Variants in MDGA2 observed in about 807,000 individuals in gnomAD.
The protein encoded by MDGA2 is MAM domain containing glycosylphosphatidylinositol anchor 2, also known as MAM domain-containing glycosylphosphatidylinositol anchor protein 2.
In MDGA2, 40 loss-of-function variants were observed where a neutral mutation model predicts 117.8. The ratio of observed to expected loss-of-function variants is 0.34; its 90% CI spans 0.26 to 0.44. The LOEUF (loss-of-function observed/expected upper bound fraction) is 0.44. Ranked by LOEUF, MDGA2 falls within the 20% of genes least tolerant of loss-of-function variation. The probability of loss-of-function intolerance (pLI) is 1.00; values close to 1 mark genes in which losing one functional copy is unlikely to be tolerated. For missense variants in MDGA2, 1,123 were observed against 1,250.6 expected (o/e 0.90, Z 1.54); for synonymous variants, 452 against 439.0 (o/e 1.03, Z -0.37).
At chr14:47,223,322 G>GGAAT (rs986615823) in intron 2 of MDGA2, among the ~76,000 whole-genome samples, 20 of 152,008 alleles carry the variant, frequency 1.3e-4, no homozygotes, top group African/African-American at 4.1e-4. Context: ...TACATATTAA[G>GGAAT]GAATGAATGA....
intron 1 of MDGA2, among the ~76,000 whole-genome samples, chr14:47,468,111 A>T (rs574564896): frequency 6.6e-6 from 1 of 152,266 alleles, no homozygotes; most frequent in Non-Finnish European, 1.5e-5. Flanking sequence ...TGAGGAGTGG[A>T]AGGCAATCAG....
intron 1 of MDGA2, among the ~76,000 whole-genome samples, chr14:47,471,431 C>T (rs1228138580): frequency 2.6e-5 from 4 of 151,826 alleles, no homozygotes; most frequent in Admixed American, 6.6e-5. Flanking sequence ...TAAATCAAAA[C>T]GTGGAAGAAA....
At chr14:47,478,121 A>T (rs907312341) in intron 1 of MDGA2, among the ~76,000 whole-genome samples, 3 of 152,240 alleles carry the variant, frequency 2.0e-5, no homozygotes, top group Non-Finnish European at 2.9e-5. Context: ...ACTCAACCTT[A>T]CATACTTTTT....
At chr14:47,088,291 T>C (rs866558739) in intron 6 of MDGA2, among the ~76,000 whole-genome samples, 56 of 152,220 alleles carry the variant, frequency 3.7e-4, no homozygotes, top group African/African-American at 1.1e-3. Context: ...AGTAATATAA[T>C]AACATTCTCT....
intron 3 of MDGA2, among the ~76,000 whole-genome samples, chr14:47,177,005 A>G (rs1475084590): frequency 6.6e-6 from 1 of 152,058 alleles, no homozygotes; most frequent in Non-Finnish European, 1.5e-5. Context: ...ATGAACAGAC[A>G]CTTCTCAAAA....
intron 7 of MDGA2, among the ~76,000 whole-genome samples, chr14:47,060,398 G>A (rs952090682): frequency 1.3e-5 from 2 of 152,036 alleles, no homozygotes; most frequent in Non-Finnish European, 2.9e-5. Flanking sequence ...CTGATCATGT[G>A]TCTACTACAT....
intron 1 of MDGA2, among the ~76,000 whole-genome samples, chr14:47,642,830 C>G (rs1594958865): frequency 1.3e-5 from 2 of 152,170 alleles, no homozygotes; most frequent in South Asian, 4.1e-4. Flanking sequence ...CAAGACTACT[C>G]CCTAATAACA....
At chr14:47,165,015 G>T (rs557276919) in intron 3 of MDGA2, among the ~76,000 whole-genome samples, 2 of 151,870 alleles carry the variant, frequency 1.3e-5, no homozygotes, top group Non-Finnish European at 2.9e-5. Context: ...AAAACCAAAC[G>T]CCACATGTTC....
chr14:47,655,090 C>T (rs763123159), intron 1 of MDGA2, among the ~76,000 whole-genome samples: 2 of 152,046 alleles, frequency 1.3e-5, no homozygotes, highest in Non-Finnish European at 2.9e-5. Flanking sequence ...TTGTGCCCTC[C>T]ATTTTATTCA....
chr14:47,251,237 C>G (rs1887434023), intron 2 of MDGA2, among the ~76,000 whole-genome samples: 1 of 152,140 alleles, frequency 6.6e-6, no homozygotes. Context: ...TTCCATCTAC[C>G]TGGAAAATTT....
chr14:46,871,838 T>C lies in MDGA2; in HGVS notation c.2752+1595A>G, dbSNP rs750879797. ...CCCAGGTCTCCTGACTTCAAGTTTA[T>C]AGTAGTTTAACTTCTCAAAAGCTTT... On this transcript the variant is annotated intron_variant, in intron 14 of 16. Transcript: ENST00000399232. 5 of 343,112 alleles carry C rather than the reference T, an allele frequency of 1.5e-5. No homozygotes were observed. The East Asian group carries it at 3.3e-4, about 23-fold the overall frequency. 21.3% of individuals were successfully genotyped at this position (343,112 alleles called of 1,614,324 possible). A position where few individuals can be genotyped will look rare whatever the true frequency, so the allele number is the denominator to read the frequency against.
chr14:47,609,442 T>TACATATATATATATATATATATATATAC (rs1566539666), intron 1 of MDGA2, among the ~76,000 whole-genome samples: 2 of 89,622 alleles, frequency 2.2e-5, no homozygotes, highest in African/African-American at 4.7e-5. Context: ...TATATATATA[T>TACATATATATATATATATATATATATAC]ATATATATAT....
chr14:47,449,127 CT>C (rs1893187557), intron 1 of MDGA2, among the ~76,000 whole-genome samples: 1 of 152,138 alleles, frequency 6.6e-6, no homozygotes, highest in Non-Finnish European at 1.5e-5. Flanking sequence ...AGCATTTTGT[CT>C]TTGCCTGTCC....
At chr14:47,456,685 T>A (rs548092618) in intron 1 of MDGA2, among the ~76,000 whole-genome samples, 38 of 152,276 alleles carry the variant, frequency 2.5e-4, no homozygotes, top group Non-Finnish European at 4.6e-4. Flanking sequence ...GATGTTAGAA[T>A]GCCCGTTTGT....
At chr14:47,501,994 A>G (rs1484014197) in intron 1 of MDGA2, among the ~76,000 whole-genome samples, 1 of 152,224 alleles carries the variant, frequency 6.6e-6, no homozygotes, top group Non-Finnish European at 1.5e-5. Context: ...CAGTAAAATT[A>G]TCTAGCAAAA....
At chr14:47,339,017 G>A (rs975498466) in intron 1 of MDGA2, among the ~76,000 whole-genome samples, 2 of 151,908 alleles carry the variant, frequency 1.3e-5, no homozygotes, top group African/African-American at 2.4e-5. Flanking sequence ...GGCCTATTAA[G>A]TATTTAGAAA....
At chr14:46,903,830 G>A (rs761602795) in intron 10 of MDGA2, among the ~76,000 whole-genome samples, 11 of 151,842 alleles carry the variant, frequency 7.2e-5, no homozygotes, top group Non-Finnish European at 1.3e-4. Flanking sequence ...TGATTGCCTG[G>A]TTTCCAAGCA....
intron 6 of MDGA2, among the ~76,000 whole-genome samples, chr14:47,093,669 T>A (rs935513835): frequency 6.6e-6 from 1 of 152,174 alleles, no homozygotes; most frequent in Non-Finnish European, 1.5e-5. Flanking sequence ...ATGTGAGATT[T>A]GTATTCAGTT....
chr14:47,618,187 C>G (rs1896982154), intron 1 of MDGA2, among the ~76,000 whole-genome samples: 1 of 152,162 alleles, frequency 6.6e-6, no homozygotes, highest in African/African-American at 2.4e-5. Context: ...TGCTTCTAAT[C>G]AAGCAAAATG....
Sources: allele counts gnomAD v4.1 joint callset (sites outside exome capture counted in the v4.1 genomes callset), GRCh38; gene constraint gnomAD v4.1.1; transcripts MANE v1.5; gene names NCBI Gene and HGNC (gene_info 2026-07-23, HGNC 2026-07-21).